The following AGTPBP1 variants were observed in gnomAD, a reference collection of about 807,000 sequenced individuals.
AGTPBP1 encodes the protein ATP/GTP binding carboxypeptidase 1, also known as cytosolic carboxypeptidase 1.
A neutral mutation model predicts 143.9 loss-of-function variants in AGTPBP1; 70 were observed. The ratio of observed to expected loss-of-function variants is 0.49; its 90% CI spans 0.40 to 0.59. The LOEUF (loss-of-function observed/expected upper bound fraction) is 0.59, where lower values mean the gene tolerates loss of function less well. Ranked by LOEUF, AGTPBP1 falls within the 20% of genes least tolerant of loss-of-function variation. The probability of loss-of-function intolerance (pLI) is 0.00; values close to 1 mark genes in which losing one functional copy is unlikely to be tolerated. For synonymous variants in AGTPBP1, 463 were observed against 500.2 expected (o/e 0.93, Z 0.99); for missense variants, 1,229 against 1,464.5 (o/e 0.84, Z 2.62).
In AGTPBP1 at chr9:85,692,784, A is replaced by G. The variant is rs1304278032; in HGVS notation, c.62T>C (p.Leu21Pro). ...ATTGATCTTCTCCAGTTGAGCCAGGAGTCCTACGATCCTAGAATTATTGGT... is the reference window on the plus strand; with the variant it reads ...ATTGATCTTCTCCAGTTGAGCCAGGGGTCCTACGATCCTAGAATTATTGGT... ...SLTNNSRIVG[L>P]LAQLEKINAE... is the part of the protein sequence containing the mutation. Residue 21 changes from leucine to proline, a missense_variant, in exon 3 of 26, where the codon CTC (leucine) becomes CCC (proline). Leu to Pro is a moderately conservative substitution (Grantham distance 98). Transcript: ENST00000357081. The G allele has an allele frequency of 6.2e-7, 1 of 1,614,006 alleles. No individual in the cohort carries two copies. Among genetic ancestry groups the G allele is most frequent in the South Asian group, 1.1e-5 (1 of 91,074 alleles).
At chr9:85,700,446 T>C (rs1486119695) in intron 2 of AGTPBP1, among the ~76,000 whole-genome samples, 1 of 152,032 alleles carries the variant, frequency 6.6e-6, no homozygotes, top group South Asian at 2.1e-4. Context: ...ATGACAAATA[T>C]CACTTCAGCT....
intron 1 of AGTPBP1, among the ~76,000 whole-genome samples, chr9:85,734,137 C>A (rs1362195565): frequency 1.6e-4 from 24 of 152,088 alleles, no homozygotes; most frequent in Admixed American, 1.6e-3. Context: ...TCTGTAGTCC[C>A]AGCTACTCAG....
At chr9:85,700,062 A>T (rs1383802500) in intron 2 of AGTPBP1, among the ~76,000 whole-genome samples, 2 of 152,206 alleles carry the variant, frequency 1.3e-5, no homozygotes, top group African/African-American at 2.4e-5. Context: ...CTGTTACAGT[A>T]TCACACATCA....
Position 85,581,424 on chromosome 9 carries a change from C to T in AGTPBP1, c.3166-2328G>A, listed in dbSNP as rs1402500221. ...CTACATCACAGAGCTTTGTGAGGCT[C>T]GCACAGAAAATTCATATGAAGGCTA... On this transcript the variant is annotated intron_variant, in intron 23 of 25. Coordinates refer to ENST00000357081, the MANE Select transcript of AGTPBP1 (RefSeq NM_001330701.2). Among the ~76,000 whole-genome samples, 3 of 152,098 alleles carry T rather than the reference C, an allele frequency of 2.0e-5. No individual in the cohort carries two copies. The East Asian group carries it at 5.8e-4, about 29-fold the overall frequency.
At chr9:85,797,680 T>C in the AGTPBP1 span, among the ~76,000 whole-genome samples, 1 of 151,876 alleles carries the variant, frequency 6.6e-6, no homozygotes, top group South Asian at 2.1e-4. Context: ...AGAATTGTCT[T>C]GGGCCACACA....
chr9:85,621,164 C>T (rs769059849), intron 15 of AGTPBP1, 38 bp downstream of exon 15: 2 of 1,210,884 alleles, frequency 1.7e-6, no homozygotes, highest in Admixed American at 2.9e-5. Flanking sequence ...TATAGAAAAA[C>T]TTAAAACTAA....
the AGTPBP1 span, among the ~76,000 whole-genome samples, chr9:85,748,952 G>C: frequency 6.7e-6 from 1 of 148,888 alleles, no homozygotes; most frequent in Non-Finnish European, 1.5e-5. Flanking sequence ...CTGCTGAAAT[G>C]CAACTCTGCT....
At chr9:85,650,256 C>T (rs1189385467) in intron 11 of AGTPBP1, among the ~76,000 whole-genome samples, 1 of 151,980 alleles carries the variant, frequency 6.6e-6, no homozygotes, top group African/African-American at 2.4e-5. Flanking sequence ...CACAGTGACC[C>T]TTGAAAAATG....
At chr9:85,689,065 G>A (rs1835675124) in intron 3 of AGTPBP1, among the ~76,000 whole-genome samples, 1 of 152,090 alleles carries the variant, frequency 6.6e-6, no homozygotes, top group Non-Finnish European at 1.5e-5. Flanking sequence ...AAAGAAACTT[G>A]CTGTATGTAA....
the AGTPBP1 span, chr9:85,770,145 A>G: frequency 1.6e-6 from 1 of 610,802 alleles, no homozygotes; most frequent in Admixed American, 2.9e-5. Context: ...CATAGCAAGC[A>G]CTCAAAAAAC....
At chr9:85,660,193 G>A (rs1407764135) in intron 9 of AGTPBP1, among the ~76,000 whole-genome samples, 1 of 152,000 alleles carries the variant, frequency 6.6e-6, no homozygotes, top group African/African-American at 2.4e-5. Flanking sequence ...CTTGTGGAGG[G>A]TGGAGTGGGG....
the AGTPBP1 span, among the ~76,000 whole-genome samples, chr9:85,767,248 G>T: frequency 8.3e-5 from 12 of 144,774 alleles, no homozygotes; most frequent in African/African-American, 2.9e-4. Context: ...GCAGTGGTGC[G>T]ATCTCGGCTC....
intron 25 of AGTPBP1, among the ~76,000 whole-genome samples, chr9:85,559,476 AT>A (rs1291987836): frequency 5.3e-4 from 81 of 151,654 alleles, no homozygotes; most frequent in African/African-American, 1.9e-3. Flanking sequence ...GGATAAATTC[AT>A]AGGGAGAAAA....
At chr9:85,685,417 A>G (rs1004659778) in intron 3 of AGTPBP1, among the ~76,000 whole-genome samples, 1 of 152,084 alleles carries the variant, frequency 6.6e-6, no homozygotes, top group Non-Finnish European at 1.5e-5. Flanking sequence ...TTCAAATGAC[A>G]ACAGAGTTCT....
At chr9:85,762,374 A>G in the AGTPBP1 span, among the ~76,000 whole-genome samples, 1 of 152,184 alleles carries the variant, frequency 6.6e-6, no homozygotes, top group African/African-American at 2.4e-5. Flanking sequence ...ACCAACCCAA[A>G]TGTCCAACAA....
chr9:85,630,366 C>T (rs986719033), intron 14 of AGTPBP1, among the ~76,000 whole-genome samples: 1 of 149,110 alleles, frequency 6.7e-6, no homozygotes, highest in Non-Finnish European at 1.5e-5. Flanking sequence ...TACTTACTTA[C>T]AGGATTGACT....
At chr9:85,768,268 G>A in the AGTPBP1 span, among the ~76,000 whole-genome samples, 3 of 152,184 alleles carry the variant, frequency 2.0e-5, no homozygotes, top group Non-Finnish European at 4.4e-5. Flanking sequence ...CCTCAGCCAC[G>A]TATAAAGGCA....
chr9:85,762,584 A>G, the AGTPBP1 span, among the ~76,000 whole-genome samples: 6 of 139,758 alleles, frequency 4.3e-5, no homozygotes, highest in Non-Finnish European at 7.6e-5. Flanking sequence ...GAACACTTGG[A>G]CACAGGAAGG....
chr9:85,559,880 A>G (rs1826589519), intron 25 of AGTPBP1, among the ~76,000 whole-genome samples: 1 of 152,136 alleles, frequency 6.6e-6, no homozygotes, highest in Admixed American at 6.5e-5. Flanking sequence ...AAAAATCCCA[A>G]ACCCCACTGT....
Sources: allele counts gnomAD v4.1 joint callset (sites outside exome capture counted in the v4.1 genomes callset), GRCh38; gene constraint gnomAD v4.1.1; transcripts MANE v1.5; gene names NCBI Gene and HGNC (gene_info 2026-07-23, HGNC 2026-07-21).